Variants in KLHL1 observed in about 807,000 individuals in gnomAD.
KLHL1 encodes kelch like family member 1, also known as kelch-like protein 1.
KLHL1 carries 47 observed loss-of-function variants against 77.7 expected under a neutral mutation model. That is an observed-to-expected ratio of 0.60 (90% confidence interval 0.48 to 0.77). KLHL1 has a LOEUF of 0.77. KLHL1 is among the 30% of genes least tolerant of loss of function. The probability of loss-of-function intolerance (pLI) is 0.00; values close to 1 mark genes in which losing one functional copy is unlikely to be tolerated. For synonymous variants in KLHL1, 360 were observed against 325.2 expected, an observed-to-expected ratio of 1.11 and a Z score of -1.15; for missense variants, 925 against 910.8, an observed-to-expected ratio of 1.02 and a Z score of -0.20.
At chr13:69,757,983 A>G (rs1158100317) in intron 7 of KLHL1, among the ~76,000 whole-genome samples, 5 of 142,314 alleles carry the variant, frequency 3.5e-5, no homozygotes, top group Non-Finnish European at 7.7e-5. Flanking sequence ...AAAAAAAAAA[A>G]TCACAGGCCA....
At chr13:70,047,873 A>G (rs1461232639) in intron 1 of KLHL1, among the ~76,000 whole-genome samples, 13 of 152,184 alleles carry the variant, frequency 8.5e-5, no homozygotes, top group Non-Finnish European at 5.9e-5. Context: ...ATAAAGGGGG[A>G]AGTGCAGTCT....
At chr13:69,843,355 C>A (rs1179821064) in intron 5 of KLHL1, among the ~76,000 whole-genome samples, 2 of 151,480 alleles carry the variant, frequency 1.3e-5, no homozygotes, top group Non-Finnish European at 3.0e-5. Flanking sequence ...AAAGTGAATG[C>A]AAGAGTTTGG....
rs182759472 is a variant in KLHL1 at position 69,734,499 on chromosome 13, C to T, written c.1802+5895G>A. ...ATTTGTTAAATTCTGAATTTAAAGA[C>T]GAGTAAGTAGAACTAAGTCAAACGA... On this transcript the variant is annotated intron_variant, in intron 8 of 10. Coordinates refer to ENST00000377844, the MANE Select transcript of KLHL1 (RefSeq NM_020866.3). Among the ~76,000 whole-genome samples, 216 of 151,618 alleles carry T rather than the reference C, an allele frequency of 1.4e-3. 2 individuals are homozygous for T. The highest frequency in any genetic ancestry group is 4.5e-3 in the African/African-American group (185 of 41,304).
chr13:69,950,419 A>G (rs1221558233), intron 3 of KLHL1, among the ~76,000 whole-genome samples: 1 of 151,680 alleles, frequency 6.6e-6, no homozygotes, highest in Non-Finnish European at 1.5e-5. Context: ...CTTTAACAAT[A>G]GAGAACATGT....
intron 6 of KLHL1, among the ~76,000 whole-genome samples, chr13:69,830,191 A>G (rs2138093279): frequency 6.6e-6 from 1 of 150,464 alleles, no homozygotes; most frequent in East Asian, 1.9e-4. Flanking sequence ...AGTATCTGCT[A>G]TCTTCAAGAG....
intron 1 of KLHL1, among the ~76,000 whole-genome samples, chr13:69,988,015 C>T (rs777937510): frequency 1.3e-5 from 2 of 151,602 alleles, no homozygotes; most frequent in Non-Finnish European, 2.9e-5. Flanking sequence ...TAGAGGCGAA[C>T]TCATGACTCG....
chr13:69,716,743 A>C (rs925733569), intron 9 of KLHL1, among the ~76,000 whole-genome samples: 7 of 152,126 alleles, frequency 4.6e-5, no homozygotes, highest in African/African-American at 1.7e-4. Context: ...TGGTATCTTA[A>C]AGATTTACTT....
At position 69,772,054 on chromosome 13, in the gene KLHL1, C is replaced by A. The variant is rs998994056; in HGVS notation, c.1639+24684G>T. Among the ~76,000 whole-genome samples, 7 of 152,172 alleles carry A rather than the reference C, an allele frequency of 4.6e-5. No individual in the cohort carries two copies. The South Asian group carries it at 1.4e-3, about 32-fold the overall frequency. On this transcript the variant is annotated intron_variant, in intron 7 of 10. Coordinates refer to ENST00000377844, the MANE Select transcript of KLHL1 (RefSeq NM_020866.3). Reference sequence around the variant, plus strand: ...GCAACCTCTGCCTCCTGGGTTCAAGCAATTATCCTGCCTTTGCCTCCCGAG... The same window carrying A: ...GCAACCTCTGCCTCCTGGGTTCAAGAAATTATCCTGCCTTTGCCTCCCGAG...
intron 2 of KLHL1, among the ~76,000 whole-genome samples, chr13:69,965,961 G>T (rs1288058020): frequency 6.6e-6 from 1 of 152,146 alleles, no homozygotes; most frequent in Non-Finnish European, 1.5e-5. Flanking sequence ...ATGAAGTTTA[G>T]GGAAAGAAGT....
intron 5 of KLHL1, among the ~76,000 whole-genome samples, chr13:69,870,634 A>AAT (rs1013849759): frequency 2.7e-4 from 41 of 151,788 alleles, no homozygotes; most frequent in African/African-American, 8.0e-4. Flanking sequence ...ACAAAATAAA[A>AAT]ATATATATAT....
At chr13:69,911,360 T>G (rs527954963) in intron 4 of KLHL1, among the ~76,000 whole-genome samples, 2 of 152,192 alleles carry the variant, frequency 1.3e-5, no homozygotes, top group South Asian at 4.1e-4. Context: ...GTGACATTTT[T>G]GGAATTCTGG....
At chr13:69,791,428 C>T (rs576061957) in intron 7 of KLHL1, among the ~76,000 whole-genome samples, 1 of 151,876 alleles carries the variant, frequency 6.6e-6, no homozygotes, top group East Asian at 1.9e-4. Flanking sequence ...AATTGATAAA[C>T]TGATCTTTTT....
Position 69,882,420 on chromosome 13 carries a change from T to C in KLHL1, c.1090A>G (p.Ser364Gly). The change falls in exon 5 of 11, where the codon AGT becomes GGT. Residue 364 changes from serine to glycine, a missense_variant. Physicochemically the swap from Ser to Gly is moderately conservative, Grantham distance 56 (BLOSUM62 0). Coordinates refer to ENST00000377844, the MANE Select transcript of KLHL1 (RefSeq NM_020866.3). ...TCATCAGGAACATTGACATCATCAC[T>C]GGCCAGTAGTTTATGGAGCTCCTCA... The part of the protein sequence containing the change: ...PAEELHKLLA[S>G]DDVNVPDEET... 1 of 1,613,894 alleles carries C rather than the reference T, an allele frequency of 6.2e-7. No homozygotes were observed. Among genetic ancestry groups the C allele is most frequent in the Non-Finnish European group, 8.5e-7 (1 of 1,179,788 alleles).
At chr13:69,924,471 C>T (rs1041256066) in intron 4 of KLHL1, among the ~76,000 whole-genome samples, 1 of 152,158 alleles carries the variant, frequency 6.6e-6, no homozygotes, top group Non-Finnish European at 1.5e-5. Flanking sequence ...AGGGTCTCAC[C>T]CCTTCTGAGA....
chr13:69,808,127 C>G (rs566070063), intron 6 of KLHL1, among the ~76,000 whole-genome samples: 1 of 152,208 alleles, frequency 6.6e-6, no homozygotes, highest in Admixed American at 6.5e-5. Flanking sequence ...AGCGGGTCAC[C>G]TCTTTCCCCC....
intron 6 of KLHL1, among the ~76,000 whole-genome samples, chr13:69,815,311 G>A (rs56337520): frequency 0.019 from 2,957 of 152,236 alleles, 84 homozygotes; most frequent in African/African-American, 0.067. Flanking sequence ...CCCAGTTGCC[G>A]ACCAATGGTT....
intron 8 of KLHL1, among the ~76,000 whole-genome samples, chr13:69,728,191 G>A (rs1363288948): frequency 6.6e-6 from 1 of 151,720 alleles, no homozygotes; most frequent in Non-Finnish European, 1.5e-5. Flanking sequence ...ACAATTTGGG[G>A]TGCCACCTTT....
At chr13:69,862,085 A>G (rs1377715160) in intron 5 of KLHL1, among the ~76,000 whole-genome samples, 1 of 151,924 alleles carries the variant, frequency 6.6e-6, no homozygotes, top group Admixed American at 6.6e-5. Context: ...CAAAGTACAA[A>G]ATATTTGAAT....
At chr13:69,859,215 A>G (rs1880039622) in intron 5 of KLHL1, among the ~76,000 whole-genome samples, 1 of 150,350 alleles carries the variant, frequency 6.7e-6, no homozygotes, top group Admixed American at 6.6e-5. Flanking sequence ...TCTTCTTTTT[A>G]GGGCTGCTTA....
Sources: allele counts gnomAD v4.1 joint callset (sites outside exome capture counted in the v4.1 genomes callset), GRCh38; gene constraint gnomAD v4.1.1; transcripts MANE v1.5; gene names NCBI Gene and HGNC (gene_info 2026-07-23, HGNC 2026-07-21).